DCAF1: variants seen among roughly 807,000 people sequenced by gnomAD.
DCAF1 encodes the protein DDB1 and CUL4 associated factor 1.
DCAF1 carries 15 observed loss-of-function variants against 128.0 expected under a neutral mutation model. The ratio of observed to expected loss-of-function variants is 0.12; its 90% CI spans 0.08 to 0.18. The LOEUF is 0.18. Among genes scored for constraint, DCAF1 ranks in the 10% least tolerant of loss-of-function variants. The pLI is 1.00. For synonymous variants in DCAF1, 610 were observed against 603.0 expected (o/e 1.01, Z -0.17); for missense variants, 988 against 1,649.5 (o/e 0.60, Z 6.95).
intron 3 of DCAF1, among the ~76,000 whole-genome samples, chr3:51,471,919 T>TA (rs1473455841): frequency 3.3e-5 from 5 of 152,212 alleles, no homozygotes; most frequent in Admixed American, 6.5e-5. Context: ...CAATTTCTGT[T>TA]AGCTCTACTA....
chr3:51,430,206 T>C lies in DCAF1; in HGVS notation c.1294A>G (p.Met432Val), dbSNP rs782572360. The C allele has an allele frequency of 3.7e-5, 29 of 773,492 alleles. No individual in the cohort carries two copies. The highest frequency in any genetic ancestry group is 7.0e-5 in the Non-Finnish European group (29 of 413,390). 47.9% of individuals were successfully genotyped at this position (773,492 alleles called of 1,614,324 possible). A position where few individuals can be genotyped will look rare whatever the true frequency, so the allele number is the denominator to read the frequency against. The change falls in exon 11 of 25, where the codon ATG (methionine) becomes GTG (valine). Residue 432 changes from methionine to valine, a missense_variant. Coordinates refer to ENST00000684031, the MANE Select transcript of DCAF1 (RefSeq NM_001387579.1). ...TCAGACAGAACATTGTGGGGATGCA[T>C]GCAAACCTGCAAAAAAATACAAATA... The part of the protein sequence containing the change: ...YNQDAMERVC[M>V]HPHNVLSDVV...
At chr3:51,447,129 GGGCATGGT>G (rs1377731099) in intron 6 of DCAF1, among the ~76,000 whole-genome samples, 1 of 151,796 alleles carries the variant, frequency 6.6e-6, no homozygotes, top group Non-Finnish European at 1.5e-5. Flanking sequence ...ACTATGGGCT[GGGCATGGT>G]GGCTCATGCC....
At chr3:51,466,099 G>T (rs1413224420) in intron 5 of DCAF1, among the ~76,000 whole-genome samples, 5 of 152,162 alleles carry the variant, frequency 3.3e-5, no homozygotes, top group Non-Finnish European at 7.3e-5. Flanking sequence ...CTACTTGGGA[G>T]CCTGAGGCAG....
chr3:51,455,502 A>T (rs1553642606), intron 6 of DCAF1, among the ~76,000 whole-genome samples: 1 of 152,104 alleles, frequency 6.6e-6, no homozygotes, highest in Non-Finnish European at 1.5e-5. Context: ...GCTACTCAGG[A>T]GGCTGAGGTG....
In DCAF1 at chr3:51,398,677, C is replaced by T. The variant is rs2089404435; in HGVS notation, c.*92G>A. 6.7e-7 allele frequency: 1 copy of T among 1,496,908 alleles called. No individual in the cohort carries two copies. The highest frequency in any genetic ancestry group is 9.0e-7 in the Non-Finnish European group (1 of 1,110,068). 92.7% of individuals were successfully genotyped at this position (1,496,908 alleles called of 1,614,324 possible). A position where few individuals can be genotyped will look rare whatever the true frequency, so the allele number is the denominator to read the frequency against. On this transcript the variant is annotated 3_prime_UTR_variant, in exon 25 of 25. Coordinates refer to ENST00000684031, the MANE Select transcript of DCAF1 (RefSeq NM_001387579.1). ...GGCATGCAGCTCCTTAAAAGACAGA[C>T]AGCCCTGGGAGAAAGAGAAGGGAAT...
intron 14 of DCAF1, among the ~76,000 whole-genome samples, chr3:51,421,808 T>C (rs1553632550): frequency 6.6e-6 from 1 of 152,182 alleles, no homozygotes; most frequent in Non-Finnish European, 1.5e-5. Context: ...TTTATATATG[T>C]ATGACGGTTT....
At chr3:51,465,425 A>G (rs965196799) in intron 5 of DCAF1, among the ~76,000 whole-genome samples, 30 of 152,192 alleles carry the variant, frequency 2.0e-4, no homozygotes, top group African/African-American at 6.5e-4. Flanking sequence ...AAATAAATCT[A>G]GAAGTCAACA....
intron 8 of DCAF1, 40 bp from the exon 9 acceptor site, chr3:51,441,111 T>C (rs1701318717): frequency 2.0e-6 from 3 of 1,520,626 alleles, no homozygotes; most frequent in Non-Finnish European, 2.7e-6. Flanking sequence ...ATTTTGGCTT[T>C]ATTGTCATGT....
upstream of DCAF1, among the ~76,000 whole-genome samples, chr3:51,501,938 C>T (rs1708828187): frequency 6.6e-6 from 1 of 152,206 alleles, no homozygotes; most frequent in Non-Finnish European, 1.5e-5. Context: ...TATGGTTAAT[C>T]ACCTTTACAG....
At chr3:51,473,654 T>G (rs899383578) in intron 3 of DCAF1, among the ~76,000 whole-genome samples, 6 of 151,854 alleles carry the variant, frequency 4.0e-5, no homozygotes, top group African/African-American at 1.2e-4. Context: ...TAACTGGGAC[T>G]ACAGGAACAC....
intron 19 of DCAF1, 23 bp from the exon 20 acceptor site, chr3:51,414,066 A>G: frequency 1.3e-6 from 2 of 1,565,688 alleles, no homozygotes; most frequent in South Asian, 1.2e-5. Flanking sequence ...TGGTCAAGGA[A>G]AACTATTTTA....
chr3:51,452,035 C>T (rs907074701), intron 6 of DCAF1, among the ~76,000 whole-genome samples: 1 of 151,990 alleles, frequency 6.6e-6, no homozygotes, highest in Non-Finnish European at 1.5e-5. Flanking sequence ...AAAACACCAT[C>T]CTAGAGCAAT....
chr3:51,488,426 C>G (rs141064869), intron 2 of DCAF1, among the ~76,000 whole-genome samples: 3 of 152,120 alleles, frequency 2.0e-5, no homozygotes, highest in Non-Finnish European at 4.4e-5. Context: ...GCCTGTAATC[C>G]CAGCACTTTG....
intron 10 of DCAF1, among the ~76,000 whole-genome samples, chr3:51,432,739 G>A (rs945841701): frequency 2.6e-5 from 4 of 152,096 alleles, no homozygotes; most frequent in South Asian, 2.1e-4. Flanking sequence ...GATTACAGGC[G>A]TGAGCCACTG....
intron 13 of DCAF1, among the ~76,000 whole-genome samples, chr3:51,424,675 A>C (rs561502985): frequency 9.8e-4 from 150 of 152,360 alleles, no homozygotes; most frequent in African/African-American, 3.5e-3. Flanking sequence ...ATAGAAATAC[A>C]GCATTTTAAA....
At chr3:51,500,835 A>G (rs1359064278), upstream of DCAF1, among the ~76,000 whole-genome samples, 2 of 130,572 alleles carry the variant, frequency 1.5e-5, no homozygotes, top group Non-Finnish European at 3.1e-5. Context: ...TTTTTTTGAC[A>G]GGGTCTCGCT....
rs1553628765 is a variant in DCAF1, at chr3:51,412,487, T to C, written c.4111-7A>G. 2.5e-6 allele frequency: 4 copies of C among 1,613,800 alleles called. No homozygotes were observed. The highest frequency in any genetic ancestry group is 3.4e-6 in the Non-Finnish European group (4 of 1,179,818). On this transcript the variant is annotated splice_region_variant and splice_polypyrimidine_tract_variant and intron_variant, in intron 22 of 24. Transcript: ENST00000684031. Reference sequence around the variant, plus strand: ...CATCCATGCTGCCTTGATTCTGAAATAGAACATCCAGTCCATAAGGAGCAG... The same window carrying C: ...CATCCATGCTGCCTTGATTCTGAAACAGAACATCCAGTCCATAAGGAGCAG...
intron 1 of DCAF1, among the ~76,000 whole-genome samples, chr3:51,499,244 G>C (rs1212334715): frequency 6.6e-6 from 1 of 152,194 alleles, no homozygotes; most frequent in Non-Finnish European, 1.5e-5. Flanking sequence ...AAGCTTCGCG[G>C]GCACTCTGAG....
chr3:51,415,636 G>A (rs1405246405), intron 18 of DCAF1, among the ~76,000 whole-genome samples: 2 of 152,086 alleles, frequency 1.3e-5, no homozygotes, highest in Non-Finnish European at 2.9e-5. Context: ...TACTCAGGCT[G>A]GAGTACAGTG....
Sources: allele counts gnomAD v4.1 joint callset (sites outside exome capture counted in the v4.1 genomes callset), GRCh38; gene constraint gnomAD v4.1.1; transcripts MANE v1.5; gene names NCBI Gene and HGNC (gene_info 2026-07-23, HGNC 2026-07-21).